Variants in JAM2 observed in about 807,000 individuals in gnomAD.
The protein encoded by JAM2 is junctional adhesion molecule B.
A neutral mutation model predicts 42.0 loss-of-function variants in JAM2; 17 were observed. The observed-to-expected ratio is 0.40, with a 90% confidence interval of 0.28 to 0.61. JAM2 has a LOEUF of 0.61. Among genes scored for constraint, JAM2 ranks in the 20% least tolerant of loss-of-function variants. The pLI, the probability that JAM2 is intolerant of heterozygous loss-of-function variation, is 0.37. For missense variants in JAM2, 319 were observed against 358.3 expected (o/e 0.89, Z 0.89); for synonymous variants, 118 against 128.6 (o/e 0.92, Z 0.56).
intron 1 of JAM2, among the ~76,000 whole-genome samples, chr21:25,664,634 G>A (rs2033172546): frequency 6.6e-6 from 1 of 152,218 alleles, no homozygotes; most frequent in Admixed American, 6.5e-5. Context: ...TGATTTCCAT[G>A]ACATCATTCT....
chr21:25,686,861 G>A (rs189150827), intron 2 of JAM2, among the ~76,000 whole-genome samples: 10 of 152,258 alleles, frequency 6.6e-5, no homozygotes, highest in East Asian at 3.9e-4. Flanking sequence ...CTATCTATGC[G>A]ATTCCTAAAT....
At chr21:25,712,453 T>C (rs901889227) in intron 9 of JAM2, 71 bp downstream of exon 9, 1 of 1,097,448 alleles carries the variant, frequency 9.1e-7, no homozygotes, top group African/African-American at 1.6e-5. Context: ...GAAGTAATTA[T>C]ATGGACTTTG....
intron 1 of JAM2, among the ~76,000 whole-genome samples, chr21:25,678,158 G>A (rs2033543804): frequency 6.6e-6 from 1 of 152,154 alleles, no homozygotes; most frequent in African/African-American, 2.4e-5. Context: ...CTCAGGAGGT[G>A]GAGGTTGCAG....
intron 3 of JAM2, among the ~76,000 whole-genome samples, chr21:25,690,861 C>A (rs1309351525): frequency 6.6e-6 from 1 of 151,906 alleles, no homozygotes; most frequent in African/African-American, 2.4e-5. Context: ...TTATACATTT[C>A]TTTCTACTAC....
intron 2 of JAM2, among the ~76,000 whole-genome samples, chr21:25,688,270 G>A (rs1568908225): frequency 3.3e-5 from 5 of 151,824 alleles, no homozygotes; most frequent in Non-Finnish European, 5.9e-5. Flanking sequence ...GTGTGTGTGT[G>A]TATGTGTGTG....
At chr21:25,660,516 G>T (rs752296439) in intron 1 of JAM2, among the ~76,000 whole-genome samples, 3 of 151,726 alleles carry the variant, frequency 2.0e-5, no homozygotes, top group Non-Finnish European at 4.4e-5. Context: ...GCTGAGCAGG[G>T]ACCAGGCCTC....
At chr21:25,644,472 T>G (rs1268294381) in intron 1 of JAM2, among the ~76,000 whole-genome samples, 1 of 152,120 alleles carries the variant, frequency 6.6e-6, no homozygotes, top group Non-Finnish European at 1.5e-5. Flanking sequence ...CTGTCCCCAC[T>G]CACGGCCCTG....
At chr21:25,709,378 T>C in intron 7 of JAM2, 56 bp from the exon 8 acceptor site, 3 of 888,592 alleles carry the variant, frequency 3.4e-6, no homozygotes, top group Non-Finnish European at 5.2e-6. Flanking sequence ...TTTATATGAA[T>C]CTGTATCATA....
chr21:25,674,795 G>A (rs973661269), intron 1 of JAM2, among the ~76,000 whole-genome samples: 4 of 151,188 alleles, frequency 2.6e-5, no homozygotes, highest in East Asian at 1.9e-4. Context: ...ATGGTTAGAC[G>A]ATAATGAGAT....
In JAM2 at chr21:25,668,927, T is replaced by C. The variant is rs117303113; in HGVS notation, c.68-14956T>C. Among the ~76,000 whole-genome samples, 277 of 152,266 alleles carry C rather than the reference T, an allele frequency of 1.8e-3. 7 individuals carry two copies. In the East Asian group the frequency reaches 0.05, roughly 27 times the overall value. On this transcript the variant is annotated intron_variant, in intron 1 of 9. Coordinates refer to ENST00000480456, the MANE Select transcript of JAM2 (RefSeq NM_021219.4). ...TGGATTGTGTCAATTGAGGTAGTTA[T>C]GGAAGGCATCATCATAAATTATGTT...
intron 4 of JAM2, among the ~76,000 whole-genome samples, chr21:25,696,957 A>G (rs1375869460): frequency 6.6e-6 from 1 of 150,800 alleles, no homozygotes; most frequent in African/African-American, 2.4e-5. Context: ...GGCTTAAGTG[A>G]TTCTCCCATC....
rs139747402 is a variant in JAM2, at chr21:25,705,353, C to A, written c.698-626C>A. On this transcript the variant is annotated intron_variant, in intron 6 of 9. Transcript: ENST00000480456. Reference sequence around the variant, plus strand: ...TCAAGTGATCCTCCAACCTCAGCCTCCTGAGTAGCTGGGACTCCAGGAATG... The same window carrying A: ...TCAAGTGATCCTCCAACCTCAGCCTACTGAGTAGCTGGGACTCCAGGAATG... Among the ~76,000 whole-genome samples, 85 of 152,296 alleles carry A rather than the reference C, an allele frequency of 5.6e-4. 1 individual carries two copies. The highest frequency in any genetic ancestry group is 2.0e-3 in the African/African-American group (81 of 41,536).
At chr21:25,642,538 A>G (rs1207429424) in intron 1 of JAM2, among the ~76,000 whole-genome samples, 1 of 151,832 alleles carries the variant, frequency 6.6e-6, no homozygotes, top group Non-Finnish European at 1.5e-5. Flanking sequence ...TTTCCTTTTT[A>G]TCCTGCTGTT....
intron 1 of JAM2, among the ~76,000 whole-genome samples, chr21:25,650,080 T>C (rs1297449902): frequency 1.3e-5 from 2 of 152,208 alleles, no homozygotes; most frequent in Non-Finnish European, 2.9e-5. Flanking sequence ...GGGACTAATA[T>C]CTTCGTGAGG....
At chr21:25,656,737 C>T (rs1401197834) in intron 1 of JAM2, among the ~76,000 whole-genome samples, 2 of 152,162 alleles carry the variant, frequency 1.3e-5, no homozygotes, top group African/African-American at 2.4e-5. Context: ...CACTCCTTTG[C>T]GTCTTAATTT....
At chr21:25,696,442 C>T (rs982568737) in intron 4 of JAM2, among the ~76,000 whole-genome samples, 3 of 152,056 alleles carry the variant, frequency 2.0e-5, no homozygotes, top group Admixed American at 6.5e-5. Context: ...GAGCCCCCTT[C>T]CTTTTTCATG....
At chr21:25,642,346 A>G (rs955869508) in intron 1 of JAM2, among the ~76,000 whole-genome samples, 1 of 152,072 alleles carries the variant, frequency 6.6e-6, no homozygotes, top group Non-Finnish European at 1.5e-5. Flanking sequence ...TTCTATCAGT[A>G]TGGGCTCATA....
chr21:25,681,705 G>A (rs563205346), intron 1 of JAM2, among the ~76,000 whole-genome samples: 35 of 152,292 alleles, frequency 2.3e-4, no homozygotes, highest in African/African-American at 7.5e-4. Context: ...TTGCCTGGCC[G>A]GGCACAGTGG....
chr21:25,711,290 A>G (rs2034378165), intron 8 of JAM2: 4 of 353,382 alleles, frequency 1.1e-5, no homozygotes, highest in Non-Finnish European at 2.2e-5. Context: ...TCATTGGTAC[A>G]TGAAATATGG....
Sources: allele counts gnomAD v4.1 joint callset (sites outside exome capture counted in the v4.1 genomes callset), GRCh38; gene constraint gnomAD v4.1.1; transcripts MANE v1.5; gene names NCBI Gene and HGNC (gene_info 2026-07-23, HGNC 2026-07-21).